The following POLR3H variants were observed in gnomAD, a reference collection of about 807,000 sequenced individuals.
POLR3H encodes the protein DNA-directed RNA polymerase III subunit RPC8.
Under a neutral mutation model 25.5 loss-of-function variants are expected in POLR3H, and 17 were observed. The ratio of observed to expected loss-of-function variants is 0.67; its 90% CI spans 0.46 to 1.00. The LOEUF is 1.00. POLR3H is among the 50% of genes least tolerant of loss of function. The pLI, the probability that POLR3H is intolerant of heterozygous loss-of-function variation, is 0.00. For missense variants in POLR3H, 274 were observed against 265.0 expected, an observed-to-expected ratio of 1.03 and a Z score of -0.24; for synonymous variants, 129 against 103.0, an observed-to-expected ratio of 1.25 and a Z score of -1.53.
At chr22:41,536,188 C>G (rs1021048641) in intron 2 of POLR3H, among the ~76,000 whole-genome samples, 2 of 150,590 alleles carry the variant, frequency 1.3e-5, no homozygotes, top group African/African-American at 4.9e-5. Context: ...GTCAGGAGAT[C>G]GAGACCATCC....
At position 41,529,253 on chromosome 22, in the gene POLR3H, G is replaced by T; in HGVS notation, c.*30C>A. 6.2e-7 allele frequency: 1 copy of T among 1,602,114 alleles called. No individual in the cohort carries two copies. The highest frequency in any genetic ancestry group is 8.5e-7 in the Non-Finnish European group (1 of 1,171,556). ...AGCCGGCCATACCACCTTCCCGCAG[G>T]CTGGTAGGGTCCACTGTCCAGCCCC... On this transcript the variant is annotated 3_prime_UTR_variant, in exon 6 of 6. Coordinates refer to ENST00000355209, the MANE Select transcript of POLR3H (RefSeq NM_001018050.4).
chr22:41,534,570 C>T (rs1419998116), intron 2 of POLR3H, among the ~76,000 whole-genome samples: 6 of 152,020 alleles, frequency 3.9e-5, no homozygotes, highest in Non-Finnish European at 5.9e-5. Flanking sequence ...TGCTACTGGG[C>T]GGGGTTTCTT....
rs1395288245 is a variant in POLR3H at position 41,527,555 on chromosome 22, CCTT to C, written c.*1725_*1727del. The C allele has an allele frequency of 2.6e-5, 33 of 1,246,152 alleles. No individual in the cohort carries two copies. In the Admixed American group the frequency reaches 6.6e-4, roughly 25 times the overall value. The allele number at this position is 1,246,152 out of a possible 1,614,324, so 77.2% of individuals were successfully genotyped here. On this transcript the variant is annotated 3_prime_UTR_variant, in exon 6 of 6. Transcript: ENST00000355209. ...CCCACAGGCCCGTCAGCCTCTTGCC[CCTT>C]CTTAGGCTCACACAGTGCACATCCG...
rs942288183 is a variant in POLR3H at position 41,526,938 on chromosome 22, G to T, written c.*2345C>A. On this transcript the variant is annotated 3_prime_UTR_variant, in exon 6 of 6. Coordinates refer to ENST00000355209, the MANE Select transcript of POLR3H (RefSeq NM_001018050.4). ...GGGCAGAGGGTGCTCCCAGGAAGGG[G>T]GCGCCTTGAGCTTCACAGATGCATC... 3.9e-5 allele frequency: 15 copies of T among 380,282 alleles called. No individual in the cohort carries two copies. The highest frequency in any genetic ancestry group is 4.3e-5 in the Non-Finnish European group (9 of 208,360). 23.6% of individuals were successfully genotyped at this position (380,282 alleles called of 1,614,324 possible).
Position 41,530,676 on chromosome 22 carries a change from G to C in POLR3H, c.561+11C>G, listed in dbSNP as rs762533640. On this transcript the variant is annotated intron_variant, in intron 5 of 5. Transcript: ENST00000355209. Reference sequence around the variant, plus strand: ...CCTCATGGGGGCTTCAGCACCATCAGAGCCACTCACCACAAGCGTGTACGG... The same window carrying C: ...CCTCATGGGGGCTTCAGCACCATCACAGCCACTCACCACAAGCGTGTACGG... The C allele has an allele frequency of 6.8e-6, 11 of 1,608,780 alleles. No individual in the cohort carries two copies. The highest frequency in any genetic ancestry group is 9.3e-6 in the Non-Finnish European group (11 of 1,177,890).
intron 2 of POLR3H, chr22:41,539,691 C>T (rs980659518): frequency 1.3e-5 from 2 of 152,370 alleles, no homozygotes; most frequent in African/African-American, 4.8e-5. Context: ...TACTTACGCA[C>T]TGAACTTTGG....
In POLR3H at chr22:41,540,681, G is replaced by T. The variant is rs1355192658; in HGVS notation, c.208+18C>A. The T allele has an allele frequency of 6.3e-7, 1 of 1,593,548 alleles. No homozygotes were observed. Among genetic ancestry groups the T allele is most frequent in the Non-Finnish European group, 8.6e-7 (1 of 1,161,206 alleles). ...GAGCCCCAAGAAGCCCAATGCCCCA[G>T]GGACAGAAGATACCCACCTTTGGTG... On this transcript the variant is annotated intron_variant, in intron 2 of 5. Transcript: ENST00000355209.
At position 41,544,465 on chromosome 22, in the gene POLR3H, G is replaced by A. The variant is rs1175969563; in HGVS notation, c.-364C>T. On this transcript the variant is annotated 5_prime_UTR_variant, in exon 1 of 6. Coordinates refer to ENST00000355209, the MANE Select transcript of POLR3H (RefSeq NM_001018050.4). ...ACCGCGCACAGCCGCTCGCGCTTGC[G>A]CGACTGCGGGCGAGATTCCGAATCC... The A allele has an allele frequency of 2.9e-5, 3 of 104,536 alleles. No individual in the cohort carries two copies. The highest frequency in any genetic ancestry group is 5.7e-5 in the Non-Finnish European group (3 of 52,498). 6.5% of individuals were successfully genotyped at this position (104,536 alleles called of 1,614,324 possible).
intron 4 of POLR3H, 80 bp downstream of exon 4, chr22:41,532,014 G>A: frequency 1.5e-6 from 2 of 1,340,874 alleles, no homozygotes; most frequent in East Asian, 4.6e-5. Flanking sequence ...AGGCCCCAAA[G>A]GCCACCCTAA....
rs753640444 is a variant in POLR3H at position 41,527,942 on chromosome 22, G to A, written c.*1341C>T. 9 of 1,614,036 alleles carry A rather than the reference G, an allele frequency of 5.6e-6. No individual in the cohort carries two copies. In the Admixed American group the frequency reaches 1.0e-4, roughly 18 times the overall value. ...ACAGGGCCTGCTGCCTCTGACCTTCGCTGACCCGGCTGACTACAACAAGAT... is the reference window on the plus strand; with the variant it reads ...ACAGGGCCTGCTGCCTCTGACCTTCACTGACCCGGCTGACTACAACAAGAT... On this transcript the variant is annotated 3_prime_UTR_variant, in exon 6 of 6. Coordinates refer to ENST00000355209, the MANE Select transcript of POLR3H (RefSeq NM_001018050.4).
rs1177138542 is a variant in POLR3H, at chr22:41,527,570, A to G, written c.*1713T>C. The G allele has an allele frequency of 3.6e-6, 4 of 1,122,772 alleles. No homozygotes were observed. The highest frequency in any genetic ancestry group is 3.7e-6 in the Non-Finnish European group (3 of 801,656). The allele number at this position is 1,122,772 out of a possible 1,614,324, so 69.6% of individuals were successfully genotyped here. A position where few individuals can be genotyped will look rare whatever the true frequency, so the allele number is the denominator to read the frequency against. On this transcript the variant is annotated 3_prime_UTR_variant, in exon 6 of 6. Transcript: ENST00000355209. ...GCCTCTTGCCCCTTCTTAGGCTCAC[A>G]CAGTGCACATCCGACGCTCAGCTTC... is the stretch of plus-strand genomic sequence containing the variant.
Position 41,528,417 on chromosome 22 carries a change from C to A in POLR3H, c.*866G>T. On this transcript the variant is annotated 3_prime_UTR_variant, in exon 6 of 6. Transcript: ENST00000355209. ...GGCAGTGCCCTGTCTCCCTGACCCC[C>A]CTGCGGGGCCAAGGGCACACAGTAC... 6.3e-7 allele frequency: 1 copy of A among 1,585,362 alleles called. No homozygotes were observed. Among genetic ancestry groups the A allele is most frequent in the South Asian group, 1.1e-5 (1 of 87,094 alleles).
chr22:41,530,810 C>T lies in POLR3H; in HGVS notation c.438G>A (p.Glu146=). 2 of 1,614,138 alleles carry T rather than the reference C, an allele frequency of 1.2e-6. No homozygotes were observed. Among genetic ancestry groups the T allele is most frequent in the East Asian group, 4.5e-5 (2 of 44,888 alleles). Residue 146 remains glutamate, a synonymous_variant, in exon 5 of 6, where the codon GAG becomes GAA. Coordinates refer to ENST00000355209, the MANE Select transcript of POLR3H (RefSeq NM_001018050.4). ...CGTCCACCACCCGGAAGCGGATCTC[C>T]TCGCCGGTGTCCATGTAGAGGTCGT... The part of the protein sequence containing the change: ...GAHDLYMDTG[E]EIRFRVVDES...
In POLR3H at chr22:41,526,492, C is replaced by T; in HGVS notation, c.*2791G>A. 2 of 1,578,502 alleles carry T rather than the reference C, an allele frequency of 1.3e-6. No individual in the cohort carries two copies. The highest frequency in any genetic ancestry group is 1.7e-6 in the Non-Finnish European group (2 of 1,157,958). On this transcript the variant is annotated 3_prime_UTR_variant, in exon 6 of 6. Coordinates refer to ENST00000355209, the MANE Select transcript of POLR3H (RefSeq NM_001018050.4). ...GATAGGGGCAATGCCAGTGGTCACTCCTGAAGGGGCCTGCAAGGCAGGTGC... is the reference window on the plus strand; with the variant it reads ...GATAGGGGCAATGCCAGTGGTCACTTCTGAAGGGGCCTGCAAGGCAGGTGC...
chr22:41,543,862 G>A (rs777454734), intron 1 of POLR3H, 129 bp downstream of exon 1: 2 of 729,814 alleles, frequency 2.7e-6, no homozygotes, highest in Non-Finnish European at 5.0e-6. Context: ...TCACGGTGAA[G>A]AAAAGTTCTG....
At position 41,529,259 on chromosome 22, in the gene POLR3H, A is replaced by C. The variant is rs1161180621; in HGVS notation, c.*24T>G. ...CCATACCACCTTCCCGCAGGCTGGT[A>C]GGGTCCACTGTCCAGCCCCAGGGCT... On this transcript the variant is annotated 3_prime_UTR_variant, in exon 6 of 6. Coordinates refer to ENST00000355209, the MANE Select transcript of POLR3H (RefSeq NM_001018050.4). The C allele has an allele frequency of 6.2e-7, 1 of 1,605,374 alleles. No individual in the cohort carries two copies.
Position 41,530,907 on chromosome 22 carries a change from A to C in POLR3H, c.360-19T>G, listed in dbSNP as rs750657824. ...TTCGTCGCTGAGGGGGTCCAGGGTC[A>C]AGGCAGCAACCAGATAGTGGGAGGG... On this transcript the variant is annotated intron_variant, in intron 4 of 5. Transcript: ENST00000355209. 7 of 1,612,704 alleles carry C rather than the reference A, an allele frequency of 4.3e-6. No individual in the cohort carries two copies. The highest frequency in any genetic ancestry group is 5.9e-6 in the Non-Finnish European group (7 of 1,179,646).
chr22:41,535,326 T>C (rs953935729), intron 2 of POLR3H, among the ~76,000 whole-genome samples: 20 of 152,094 alleles, frequency 1.3e-4, no homozygotes, highest in African/African-American at 3.6e-4. Flanking sequence ...AGCCACTAAA[T>C]TGTATGCTTT....
chr22:41,526,940 C>T lies in POLR3H; in HGVS notation c.*2343G>A, dbSNP rs1488833467. On this transcript the variant is annotated 3_prime_UTR_variant, in exon 6 of 6. Coordinates refer to ENST00000355209, the MANE Select transcript of POLR3H (RefSeq NM_001018050.4). ...GCAGAGGGTGCTCCCAGGAAGGGGG[C>T]GCCTTGAGCTTCACAGATGCATCTT... 1.6e-5 allele frequency: 6 copies of T among 380,114 alleles called. No homozygotes were observed. Among genetic ancestry groups the T allele is most frequent in the Admixed American group, 4.3e-5 (1 of 23,144 alleles). The allele number at this position is 380,114 out of a possible 1,614,324, so 23.5% of individuals were successfully genotyped here.
Sources: allele counts gnomAD v4.1 joint callset (sites outside exome capture counted in the v4.1 genomes callset), GRCh38; gene constraint gnomAD v4.1.1; transcripts MANE v1.5; gene names NCBI Gene and HGNC (gene_info 2026-07-23, HGNC 2026-07-21).